The following MVK variants were observed in gnomAD, a reference collection of about 807,000 sequenced individuals.
MVK encodes mevalonate kinase.
Under a neutral mutation model 43.2 loss-of-function variants are expected in MVK, and 34 were observed. The ratio of observed to expected loss-of-function variants is 0.79; its 90% confidence interval spans 0.60 to 1.05. The LOEUF is 1.05. MVK is among the 50% of genes least tolerant of loss of function. The pLI is 0.00. For synonymous variants in MVK, 190 were observed against 219.8 expected, an observed-to-expected ratio of 0.86 and a Z score of 1.20; for missense variants, 395 against 504.0, an observed-to-expected ratio of 0.78 and a Z score of 2.07.
At chr12:109,589,284 A>T (rs1225959348) in intron 7 of MVK, 2 of 152,252 alleles carry the variant, frequency 1.3e-5, no homozygotes, top group Non-Finnish European at 2.9e-5. Context: ...TGCAACACCC[A>T]AACTCCTCCC....
At position 109,596,675 on chromosome 12, in the gene MVK, C is replaced by T. The variant is rs538396488; in HGVS notation, c.*98C>T. 1.6e-5 allele frequency: 24 copies of T among 1,505,718 alleles called. 2 individuals are homozygous for T. In the South Asian group the frequency reaches 2.4e-4, roughly 15 times the overall value. 93.3% of individuals were successfully genotyped at this position (1,505,718 alleles called of 1,614,324 possible). ...TGTGCTGGCCAGCGAGCGCCCAGCT[C>T]CTGACACTGCTGGAGAGGCCCCAGC... On this transcript the variant is annotated 3_prime_UTR_variant, in exon 11 of 11. Coordinates refer to ENST00000228510, the MANE Select transcript of MVK (RefSeq NM_000431.4).
chr12:109,591,004 A>T, intron 8 of MVK, 143 bp downstream of exon 8: 1 of 1,001,260 alleles, frequency 1.0e-6, no homozygotes, highest in South Asian at 1.4e-5. Flanking sequence ...TTTGGCAGAA[A>T]AGAAGGTACC....
intron 9 of MVK, among the ~76,000 whole-genome samples, chr12:109,594,516 T>C (rs1885827993): frequency 6.6e-6 from 1 of 152,238 alleles, no homozygotes; most frequent in African/African-American, 2.4e-5. Context: ...AGGGAATGTA[T>C]TGGCTCTCAA....
chr12:109,596,623 A>G lies in MVK; in HGVS notation c.*46A>G, dbSNP rs761828327. 7.6e-5 allele frequency: 121 copies of G among 1,589,184 alleles called. No individual in the cohort carries two copies. The highest frequency in any genetic ancestry group is 9.6e-5 in the Non-Finnish European group (112 of 1,172,366). On this transcript the variant is annotated 3_prime_UTR_variant, in exon 11 of 11. Transcript: ENST00000228510. ...GCCCCACCCAGATGCCCCTTTCTGG[A>G]TTATTCTGGGGGCTGCAGTTCGACT...
chr12:109,584,227 G>A (rs760017419), intron 5 of MVK, among the ~76,000 whole-genome samples: 2 of 151,942 alleles, frequency 1.3e-5, no homozygotes, highest in Non-Finnish European at 2.9e-5. Context: ...TCAATAGTAT[G>A]TTAACTGATG....
chr12:109,586,924 GC>G (rs1439318154), intron 7 of MVK, 125 bp downstream of exon 7: 1 of 1,154,086 alleles, frequency 8.7e-7, no homozygotes, highest in African/African-American at 1.5e-5. Context: ...CCCCAATGTG[GC>G]CCTCACAGTG....
chr12:109,586,016 C>T lies in MVK; in HGVS notation c.528-6C>T, dbSNP rs1885417105. 6.2e-7 allele frequency: 1 copy of T among 1,611,634 alleles called. No individual in the cohort carries two copies. Among genetic ancestry groups the T allele is most frequent in the Admixed American group, 1.7e-5 (1 of 60,002 alleles). Reference sequence around the variant, plus strand: ...CCACAGTAAAGATGAACATCTGTGTCTTCAGGTGGACCAAGGAGGATTTGG... The same window carrying T: ...CCACAGTAAAGATGAACATCTGTGTTTTCAGGTGGACCAAGGAGGATTTGG... On this transcript the variant is annotated splice_region_variant and splice_polypyrimidine_tract_variant and intron_variant, in intron 5 of 10. Coordinates refer to ENST00000228510, the MANE Select transcript of MVK (RefSeq NM_000431.4).
intron 8 of MVK, 67 bp from the exon 9 acceptor site, chr12:109,591,174 C>A: frequency 6.9e-7 from 1 of 1,450,424 alleles, no homozygotes. Context: ...CACCCCACTG[C>A]TGGGGCAGCT....
chr12:109,577,586 G>A (rs1326895772), intron 3 of MVK, among the ~76,000 whole-genome samples: 1 of 152,124 alleles, frequency 6.6e-6, no homozygotes, highest in East Asian at 1.9e-4. Context: ...CAAAGTGCTG[G>A]GGTTACAGGT....
intron 10 of MVK, among the ~76,000 whole-genome samples, chr12:109,596,207 T>C (rs1885905790): frequency 6.6e-6 from 1 of 152,232 alleles, no homozygotes; most frequent in Non-Finnish European, 1.5e-5. Flanking sequence ...TGAGAGCCCA[T>C]GTTTTTAACT....
intron 3 of MVK, 79 bp from the exon 4 acceptor site, chr12:109,579,723 G>T: frequency 1.3e-6 from 2 of 1,578,456 alleles, no homozygotes; most frequent in South Asian, 1.1e-5. Flanking sequence ...GTGACTAGTC[G>T]ATTTTCTGTG....
chr12:109,584,326 C>T (rs1885348934), intron 5 of MVK, among the ~76,000 whole-genome samples: 1 of 152,174 alleles, frequency 6.6e-6, no homozygotes, highest in African/African-American at 2.4e-5. Flanking sequence ...GAAAGAGACT[C>T]AGAGCAGGTA....
chr12:109,586,056 T>G lies in MVK; in HGVS notation c.562T>G (p.Trp188Gly). 6.2e-7 allele frequency: 1 copy of G among 1,614,142 alleles called. No individual in the cohort carries two copies. Residue 188 changes from tryptophan to glycine, a missense_variant, in exon 6 of 11, where the codon TGG becomes GGG. Transcript: ENST00000228510. ...TKEDLELINK[W>G]AFQGERMIHG... is the part of the protein sequence containing the mutation. ...GGAGGATTTGGAGCTAATTAACAAG[T>G]GGGCCTTCCAAGGGGAGAGAATGAT...
Position 109,597,113 on chromosome 12 carries a change from A to C in MVK, c.*536A>C. ...AGCACTTGGTGTGGCCTTCCCTTCT[A>C]CCTAGCGGGATGGGGCTCCCCCAGG... On this transcript the variant is annotated 3_prime_UTR_variant, in exon 11 of 11. Transcript: ENST00000228510. 2 of 195,754 alleles carry C rather than the reference A, an allele frequency of 1.0e-5. No homozygotes were observed. Among genetic ancestry groups the C allele is most frequent in the Non-Finnish European group, 1.1e-5 (1 of 93,522 alleles). 12.1% of individuals were successfully genotyped at this position (195,754 alleles called of 1,614,324 possible). A position where few individuals can be genotyped will look rare whatever the true frequency, so the allele number is the denominator to read the frequency against.
At chr12:109,589,684 C>G (rs1885588183) in intron 7 of MVK, 1 of 152,162 alleles carries the variant, frequency 6.6e-6, no homozygotes, top group African/African-American at 2.4e-5. Context: ...CAGCCCTTTC[C>G]AGCCCTATTG....
rs1199891524 is a variant in MVK, at chr12:109,576,153, C to T, written c.226+8C>T. 1 of 1,614,018 alleles carries T rather than the reference C, an allele frequency of 6.2e-7. No individual in the cohort carries two copies. Among genetic ancestry groups the T allele is most frequent in the Non-Finnish European group, 8.5e-7 (1 of 1,179,994 alleles). On this transcript the variant is annotated splice_region_variant and intron_variant, in intron 3 of 10. Transcript: ENST00000228510. ...TGGACACAAGCTTTCTGGGTGAGTG[C>T]AAGGAGGAGAAACCAGGTGTGCTAA...
At chr12:109,580,498 A>ATGC (rs1254206068) in intron 4 of MVK, among the ~76,000 whole-genome samples, 1 of 152,162 alleles carries the variant, frequency 6.6e-6, no homozygotes, top group Admixed American at 6.5e-5. Context: ...TGAGCAGCAG[A>ATGC]TGCTGGCTCA....
intron 4 of MVK, among the ~76,000 whole-genome samples, chr12:109,580,677 C>T (rs939840115): frequency 6.6e-6 from 1 of 152,196 alleles, no homozygotes; most frequent in African/African-American, 2.4e-5. Context: ...CACATTATTA[C>T]AATTTTTCTA....
chr12:109,580,798 A>G (rs1885182607), intron 4 of MVK, among the ~76,000 whole-genome samples: 1 of 152,228 alleles, frequency 6.6e-6, no homozygotes, highest in Non-Finnish European at 1.5e-5. Context: ...TCTGGTGATC[A>G]AAAGCAGACC....
Sources: allele counts gnomAD v4.1 joint callset (sites outside exome capture counted in the v4.1 genomes callset), GRCh38; gene constraint gnomAD v4.1.1; transcripts MANE v1.5; gene names NCBI Gene and HGNC (gene_info 2026-07-23, HGNC 2026-07-21).